The following ROR2 variants were observed in gnomAD, a reference collection of about 807,000 sequenced individuals.
ROR2 encodes the protein tyrosine-protein kinase transmembrane receptor ROR2.
ROR2 carries 33 observed loss-of-function variants against 74.9 expected under a neutral mutation model. The ratio of observed to expected loss-of-function variants is 0.44; its 90% confidence interval spans 0.33 to 0.59. The LOEUF (loss-of-function observed/expected upper bound fraction) is 0.59. Ranked by LOEUF, ROR2 falls within the 20% of genes least tolerant of loss-of-function variation. The pLI is 0.02. For synonymous variants in ROR2, 586 were observed against 558.7 expected (o/e 1.05, Z -0.69); for missense variants, 1,216 against 1,313.8 (o/e 0.93, Z 1.15).
intron 1 of ROR2, among the ~76,000 whole-genome samples, chr9:91,934,324 C>A (rs768827703): frequency 4.0e-5 from 6 of 151,768 alleles, no homozygotes; most frequent in Non-Finnish European, 8.8e-5. Context: ...CATACCCCAG[C>A]ACCAGGAGGG....
At chr9:91,818,734 G>A (rs1490279239) in intron 1 of ROR2, among the ~76,000 whole-genome samples, 5 of 152,140 alleles carry the variant, frequency 3.3e-5, no homozygotes, top group African/African-American at 7.2e-5. Flanking sequence ...GGGTCTTAGC[G>A]ACTGCCCCAG....
chr9:91,812,564 C>CT (rs1827795530), intron 1 of ROR2, among the ~76,000 whole-genome samples: 1 of 145,486 alleles, frequency 6.9e-6, no homozygotes, highest in Admixed American at 6.8e-5. Context: ...CCCCGCCCCA[C>CT]CCCCCCCACA....
At chr9:91,945,599 T>A (rs1174247814) in intron 1 of ROR2, among the ~76,000 whole-genome samples, 1 of 152,250 alleles carries the variant, frequency 6.6e-6, no homozygotes, top group African/African-American at 2.4e-5. Flanking sequence ...AAGCTACATT[T>A]TTCTGTAATT....
chr9:91,786,737 G>T (rs1826817512), intron 1 of ROR2, among the ~76,000 whole-genome samples: 1 of 152,208 alleles, frequency 6.6e-6, no homozygotes, highest in African/African-American at 2.4e-5. Flanking sequence ...GGGGGCGGAG[G>T]GGTAGGGAAG....
In ROR2 at chr9:91,922,746, C is replaced by T. The variant is rs543669266; in HGVS notation, c.97+27121G>A. 9.9e-5 allele frequency among the ~76,000 whole-genome samples: 15 copies of T among 152,252 alleles called. No homozygotes were observed. In the South Asian group the frequency reaches 2.9e-3, roughly 30 times the overall value. On this transcript the variant is annotated intron_variant, in intron 1 of 8. Transcript: ENST00000375708. ...GTGATTACAGGCAGGAGCCACCGCG[C>T]CCGACCAAGAATATTTTTTAAAACT...
intron 1 of ROR2, among the ~76,000 whole-genome samples, chr9:91,829,549 CAAA>C (rs34687056): frequency 6.2e-4 from 25 of 40,510 alleles, no homozygotes; most frequent in East Asian, 1.4e-3. Flanking sequence ...GACTCCGTCT[CAAA>C]AAAAAAAAAA....
chr9:91,731,951 A>G (rs1342057555), intron 6 of ROR2, among the ~76,000 whole-genome samples: 1 of 152,058 alleles, frequency 6.6e-6, no homozygotes, highest in East Asian at 1.9e-4. Flanking sequence ...ACCTTCCTAA[A>G]TATTGCCTCA....
intron 1 of ROR2, among the ~76,000 whole-genome samples, chr9:91,818,280 T>C (rs908016428): frequency 6.6e-6 from 1 of 152,234 alleles, no homozygotes; most frequent in African/African-American, 2.4e-5. Flanking sequence ...TTCCTATTCT[T>C]TGATATGCAA....
intron 1 of ROR2, among the ~76,000 whole-genome samples, chr9:91,789,238 AT>A (rs1442995676): frequency 6.6e-6 from 1 of 152,222 alleles, no homozygotes; most frequent in African/African-American, 2.4e-5. Flanking sequence ...TATTGCATCA[AT>A]TTTACATAAA....
chr9:91,788,943 T>C (rs993795060), intron 1 of ROR2, among the ~76,000 whole-genome samples: 1 of 149,546 alleles, frequency 6.7e-6, no homozygotes, highest in Non-Finnish European at 1.5e-5. Context: ...ATCATAGAAG[T>C]AGAGAGTAGA....
intron 1 of ROR2, among the ~76,000 whole-genome samples, chr9:91,792,457 C>T (rs569420089): frequency 7.6e-4 from 115 of 152,036 alleles, no homozygotes; most frequent in South Asian, 1.7e-3. Flanking sequence ...TACAGGCGCC[C>T]GCCACCACGC....
intron 4 of ROR2, 126 bp downstream of exon 4, chr9:91,755,945 G>T: frequency 1.0e-6 from 1 of 980,950 alleles, no homozygotes; most frequent in Non-Finnish European, 1.7e-6. Context: ...CCACCCCTGT[G>T]TGAAGCCCAG....
intron 1 of ROR2, among the ~76,000 whole-genome samples, chr9:91,877,271 C>G (rs1286489497): frequency 6.6e-6 from 1 of 152,160 alleles, no homozygotes; most frequent in Non-Finnish European, 1.5e-5. Context: ...ATTCTCTTTC[C>G]AACCTCACTC....
At chr9:91,839,590 T>G (rs1828723661) in intron 1 of ROR2, among the ~76,000 whole-genome samples, 1 of 151,618 alleles carries the variant, frequency 6.6e-6, no homozygotes, top group African/African-American at 2.4e-5. Flanking sequence ...GTTTGTGTGT[T>G]TCTTTGAGTT....
At chr9:91,876,986 A>G (rs1397219559) in intron 1 of ROR2, among the ~76,000 whole-genome samples, 1 of 152,182 alleles carries the variant, frequency 6.6e-6, no homozygotes, top group African/African-American at 2.4e-5. Context: ...TTAACACATC[A>G]TAATGAACTC....
intron 1 of ROR2, among the ~76,000 whole-genome samples, chr9:91,777,881 G>C (rs2118944171): frequency 6.6e-6 from 1 of 152,190 alleles, no homozygotes; most frequent in East Asian, 1.9e-4. Context: ...AAAAAAAGAA[G>C]AAAGCATGCT....
intron 1 of ROR2, among the ~76,000 whole-genome samples, chr9:91,827,039 T>G (rs1828316043): frequency 6.6e-6 from 1 of 152,176 alleles, no homozygotes; most frequent in South Asian, 2.1e-4. Flanking sequence ...GCCTTCTGAC[T>G]TCCCTAACTA....
At chr9:91,869,263 T>G (rs73517098) in intron 1 of ROR2, among the ~76,000 whole-genome samples, 7,161 of 152,172 alleles carry the variant, frequency 0.047, 455 homozygotes, top group African/African-American at 0.14. Flanking sequence ...TCTCAATAAA[T>G]TCCAGGCTGG....
intron 1 of ROR2, among the ~76,000 whole-genome samples, chr9:91,795,435 TA>T (rs1019630693): frequency 3.9e-5 from 6 of 152,258 alleles, no homozygotes; most frequent in Non-Finnish European, 7.3e-5. Flanking sequence ...GTGATTATCA[TA>T]AAAATACATG....
Sources: gnomAD v4.1 joint callset for allele counts (sites outside exome capture counted in the v4.1 genomes callset) on GRCh38, gnomAD v4.1.1 for gene constraint, MANE v1.5 for transcripts, NCBI Gene and HGNC (gene_info 2026-07-23, HGNC 2026-07-21) for gene names.